ATAD2B: variants seen among roughly 807,000 people sequenced by gnomAD.
The protein encoded by ATAD2B is ATPase family AAA domain-containing protein 2B.
A neutral mutation model predicts 167.6 loss-of-function variants in ATAD2B; 40 were observed. The ratio of observed to expected loss-of-function variants is 0.24; its 90% CI spans 0.19 to 0.31. The LOEUF is 0.31. Among genes scored for constraint, ATAD2B ranks in the 10% least tolerant of loss-of-function variants. ATAD2B has a pLI of 1.00. For synonymous variants in ATAD2B, 579 were observed against 596.5 expected, an observed-to-expected ratio of 0.97 and a Z score of 0.43; for missense variants, 1,242 against 1,757.2, an observed-to-expected ratio of 0.71 and a Z score of 5.24.
intron 24 of ATAD2B, 143 bp from the exon 25 acceptor site, chr2:23,758,244 T>C: frequency 1.6e-6 from 1 of 630,742 alleles, no homozygotes; most frequent in Non-Finnish European, 2.6e-6. Context: ...ACATTCATGC[T>C]GACTAATCCT....
At chr2:23,867,806 A>T in intron 10 of ATAD2B, 29 bp downstream of exon 10, 1 of 1,503,352 alleles carries the variant, frequency 6.7e-7, no homozygotes, top group East Asian at 2.3e-5. Flanking sequence ...AAAAAAGAAA[A>T]CTTCTAGAAA....
chr2:23,875,703 A>C, intron 8 of ATAD2B, 126 bp downstream of exon 8: 1 of 700,610 alleles, frequency 1.4e-6, no homozygotes. Flanking sequence ...ATTCCAGGCA[A>C]ACTGAATCTG....
At chr2:23,807,415 G>T (rs1223293650) in intron 18 of ATAD2B, among the ~76,000 whole-genome samples, 2 of 152,154 alleles carry the variant, frequency 1.3e-5, no homozygotes, top group Admixed American at 6.5e-5. Context: ...CAAAAGAGTT[G>T]ATCAGAAGAC....
chr2:23,925,362 C>A (rs541518499), intron 1 of ATAD2B, among the ~76,000 whole-genome samples: 1 of 152,192 alleles, frequency 6.6e-6, no homozygotes, highest in Non-Finnish European at 1.5e-5. Context: ...GTAAAATATT[C>A]CTGTCTCTGC....
intron 14 of ATAD2B, 85 bp downstream of exon 14, chr2:23,833,834 A>C (rs1572958706): frequency 2.7e-6 from 3 of 1,113,640 alleles, no homozygotes; most frequent in African/African-American, 1.6e-5. Flanking sequence ...GAACAATGAA[A>C]ATTCATAAAA....
chr2:23,861,448 T>A (rs1385764031), intron 12 of ATAD2B, among the ~76,000 whole-genome samples: 2 of 148,100 alleles, frequency 1.4e-5, no homozygotes, highest in African/African-American at 5.0e-5. Flanking sequence ...ATAGACCATA[T>A]CCTTAACTTA....
At chr2:23,681,212 G>A in the ATAD2B span, among the ~76,000 whole-genome samples, 146 of 152,348 alleles carry the variant, frequency 9.6e-4, 1 homozygote, top group South Asian at 6.8e-3. This position sits in a 1 kb window ranked among gnomAD's most constrained non-coding sequence, Gnocchi z 4.2. Context: ...TGCACTTGGG[G>A]CCTGCTGGGA....
At chr2:23,900,318 C>G (rs1055423991) in intron 1 of ATAD2B, among the ~76,000 whole-genome samples, 4 of 152,084 alleles carry the variant, frequency 2.6e-5, no homozygotes, top group African/African-American at 4.8e-5. Flanking sequence ...CCTCCCACCT[C>G]GGCCCCACAA....
chr2:23,801,968 A>C (rs958621143), intron 18 of ATAD2B, among the ~76,000 whole-genome samples: 13 of 152,112 alleles, frequency 8.5e-5, no homozygotes, highest in African/African-American at 2.9e-4. Flanking sequence ...TCCCACAACA[A>C]GCCATTTCCT....
rs200346510 is a variant in ATAD2B, at chr2:23,909,869, G to GT, written c.217-13900dup. On this transcript the variant is annotated intron_variant, in intron 1 of 27. Transcript: ENST00000238789. ...GGGTTGTTTTTTTTTGTTTGTTTTT[G>GT]TTTTTTTTGGTTTTTAAGAGATGAG... Among the ~76,000 whole-genome samples the GT allele has an allele frequency of 7.4e-3, 1,113 of 150,666 alleles. 19 individuals are homozygous for GT. The highest frequency in any genetic ancestry group is 0.025 in the African/African-American group (1,042 of 41,018).
Position 23,823,395 on chromosome 2 carries a change from T to G in ATAD2B, c.1994A>C (p.Gln665Pro). The G allele has an allele frequency of 6.2e-7, 1 of 1,613,980 alleles. No homozygotes were observed. The highest frequency in any genetic ancestry group is 8.5e-7 in the Non-Finnish European group (1 of 1,179,878). Residue 665 changes from glutamine (Q) to proline (P), a missense_variant, in exon 16 of 28, where the codon CAA becomes CCA. Around this residue, in one of 9 missense-constraint regions of ATAD2B, gnomAD observed 145 missense variants for 181.9 expected, o/e 0.80. Transcript: ENST00000238789. ...HAMQNIVPAS[Q>P]RAVMSSGHAL... ...ATGCCCTGAAGACATCACAGCACGT[T>G]GGGAAGCAGGCACGATATTCTGCAT...
chr2:23,683,490 C>T, the ATAD2B span, among the ~76,000 whole-genome samples: 1 of 152,234 alleles, frequency 6.6e-6, no homozygotes, highest in African/African-American at 2.4e-5. Flanking sequence ...AACAGGGTGA[C>T]TGGCAGGCTC....
At chr2:23,805,893 T>C (rs915028530) in intron 18 of ATAD2B, among the ~76,000 whole-genome samples, 3 of 151,970 alleles carry the variant, frequency 2.0e-5, no homozygotes, top group Non-Finnish European at 4.4e-5. Flanking sequence ...CCCCCATAAA[T>C]AGCATGTTTC....
At chr2:23,800,906 T>G (rs1182537498) in intron 18 of ATAD2B, among the ~76,000 whole-genome samples, 1 of 152,106 alleles carries the variant, frequency 6.6e-6, no homozygotes, top group Admixed American at 6.5e-5. Context: ...AGGCTTCGCC[T>G]TTCTGATCTA....
At chr2:23,891,149 T>C (rs1699423798) in intron 2 of ATAD2B, among the ~76,000 whole-genome samples, 1 of 151,064 alleles carries the variant, frequency 6.6e-6, no homozygotes, top group Non-Finnish European at 1.5e-5. Context: ...GCCTCCCGAG[T>C]AGCTGGGATT....
intron 1 of ATAD2B, among the ~76,000 whole-genome samples, chr2:23,924,096 T>A (rs188240965): frequency 8.9e-6 from 1 of 112,576 alleles, no homozygotes; most frequent in African/African-American, 2.7e-5. Flanking sequence ...GGCAGGAGAA[T>A]GGCGTGAACC....
At chr2:23,921,757 C>T (rs927763214) in intron 1 of ATAD2B, among the ~76,000 whole-genome samples, 4 of 152,106 alleles carry the variant, frequency 2.6e-5, no homozygotes, top group African/African-American at 2.4e-5. Flanking sequence ...AACATTGTCA[C>T]GTTACAATAT....
At chr2:23,682,360 G>A in the ATAD2B span, among the ~76,000 whole-genome samples, 14 of 152,278 alleles carry the variant, frequency 9.2e-5, no homozygotes, top group Middle Eastern at 6.8e-3. The surrounding 1 kb of genome is among the most constrained non-coding windows in gnomAD (Gnocchi z 4.1). Flanking sequence ...CAAGGTCACA[G>A]AGCTGATAGG....
At chr2:23,868,018 T>C in intron 9 of ATAD2B, 72 bp from the exon 10 acceptor site, 1 of 949,988 alleles carries the variant, frequency 1.1e-6, no homozygotes, top group Non-Finnish European at 1.7e-6. Context: ...TAAGTTTACA[T>C]TCTTTGATGT....
Sources: allele counts gnomAD v4.1 joint callset (sites outside exome capture counted in the v4.1 genomes callset), GRCh38; gene constraint gnomAD v4.1.1; regional missense constraint gnomAD v4.1.1; non-coding constraint Gnocchi (gnomAD v3.1); transcripts MANE v1.5; gene names NCBI Gene and HGNC (gene_info 2026-07-23, HGNC 2026-07-21).